The following KCNB2 variants were observed in gnomAD, a reference collection of about 807,000 sequenced individuals.
The protein encoded by KCNB2 is potassium voltage-gated channel subfamily B member 2.
A neutral mutation model predicts 61.5 loss-of-function variants in KCNB2; 15 were observed. The observed-to-expected ratio is 0.24, with a 90% confidence interval of 0.16 to 0.38. The LOEUF (loss-of-function observed/expected upper bound fraction) is 0.38, where lower values mean the gene tolerates loss of function less well. Among genes scored for constraint, KCNB2 ranks in the 10% least tolerant of loss-of-function variants. The pLI is 1.00. For synonymous variants in KCNB2, 457 were observed against 446.0 expected (o/e 1.02, Z -0.31); for missense variants, 828 against 1,125.2 (o/e 0.74, Z 3.78).
chr8:72,676,935 C>T (rs147140095), intron 2 of KCNB2, among the ~76,000 whole-genome samples: 2 of 152,236 alleles, frequency 1.3e-5, no homozygotes, highest in East Asian at 3.9e-4. Flanking sequence ...CCACCCCTGC[C>T]AAATTCATCT....
At position 72,811,899 on chromosome 8, in the gene KCNB2, G is replaced by A. The variant is rs564687454; in HGVS notation, c.580-124036G>A. Reference sequence around the variant, plus strand: ...GCAATTGAGATTTATGCACCTTCACGGGTCCCACGTACAAAAAATTGTAGC... The same window carrying A: ...GCAATTGAGATTTATGCACCTTCACAGGTCCCACGTACAAAAAATTGTAGC... On this transcript the variant is annotated intron_variant, in intron 2 of 2. Coordinates refer to ENST00000523207, the MANE Select transcript of KCNB2 (RefSeq NM_004770.3). Among the ~76,000 whole-genome samples the A allele has an allele frequency of 5.3e-5, 8 of 152,158 alleles. 1 individual carries two copies. Among genetic ancestry groups the A allele is most frequent in the African/African-American group, 7.2e-5 (3 of 41,442 alleles).
intron 2 of KCNB2, among the ~76,000 whole-genome samples, chr8:72,716,203 A>C (rs2128992295): frequency 6.6e-6 from 1 of 152,252 alleles, no homozygotes; most frequent in Admixed American, 6.5e-5. Context: ...CCAGGACCAG[A>C]TGGATTCACA....
chr8:72,849,354 G>T (rs1174678091), intron 2 of KCNB2, among the ~76,000 whole-genome samples: 1 of 151,768 alleles, frequency 6.6e-6, no homozygotes, highest in Admixed American at 6.6e-5. Flanking sequence ...AATATTCAAG[G>T]TCCTCCTTCT....
Position 72,583,948 on chromosome 8 carries a change from CAA to C in KCNB2, c.579+15651_579+15652del, listed in dbSNP as rs71566823. Among the ~76,000 whole-genome samples, 296 of 100,812 alleles carry C rather than the reference CAA, an allele frequency of 2.9e-3. 1 individual carries two copies. Among genetic ancestry groups the C allele is most frequent in the East Asian group, 0.019 (81 of 4,272 alleles). 66.1% of individuals were successfully genotyped at this position (100,812 alleles called of 152,430 possible). On this transcript the variant is annotated intron_variant, in intron 2 of 2. Transcript: ENST00000523207. Reference sequence around the variant, plus strand: ...TTCAACAGTTACAACAATAGAATATCAAAAAAAAAAAAAAAAACAAACAAAAC... The same window carrying C: ...TTCAACAGTTACAACAATAGAATATCAAAAAAAAAAAAAAACAAACAAAAC...
chr8:72,648,694 T>C (rs1202779248), intron 2 of KCNB2, among the ~76,000 whole-genome samples: 1 of 152,056 alleles, frequency 6.6e-6, no homozygotes, highest in Non-Finnish European at 1.5e-5. Flanking sequence ...CAAGCTGGAA[T>C]TTCCCCCACT....
At chr8:72,628,411 G>A (rs950185892) in intron 2 of KCNB2, among the ~76,000 whole-genome samples, 2 of 99,404 alleles carry the variant, frequency 2.0e-5, no homozygotes, top group African/African-American at 4.4e-5. Flanking sequence ...GTGTGTGTGT[G>A]TGTGTGTGTG....
At chr8:72,901,270 G>A (rs1806088862) in intron 2 of KCNB2, among the ~76,000 whole-genome samples, 1 of 152,156 alleles carries the variant, frequency 6.6e-6, no homozygotes, top group Non-Finnish European at 1.5e-5. Context: ...CAGACTATCT[G>A]AGGGCAGTAA....
At chr8:72,930,564 T>C (rs1806758094) in intron 2 of KCNB2, among the ~76,000 whole-genome samples, 1 of 152,242 alleles carries the variant, frequency 6.6e-6, no homozygotes, top group Non-Finnish European at 1.5e-5. Flanking sequence ...TGAGCATTTT[T>C]TCATGTGTCT....
At chr8:72,923,236 A>G (rs914984847) in intron 2 of KCNB2, among the ~76,000 whole-genome samples, 1 of 151,956 alleles carries the variant, frequency 6.6e-6, no homozygotes, top group African/African-American at 2.4e-5. Context: ...ATCAGACTTA[A>G]AAAGTTACCT....
At chr8:72,873,347 AGAAAG>A (rs1473365318) in intron 2 of KCNB2, among the ~76,000 whole-genome samples, 1 of 152,272 alleles carries the variant, frequency 6.6e-6, no homozygotes, top group Admixed American at 6.5e-5. Flanking sequence ...CAGGGCCAAC[AGAAAG>A]GACAGAGTCT....
intron 2 of KCNB2, among the ~76,000 whole-genome samples, chr8:72,644,253 C>G (rs75645197): frequency 0.02 from 3,057 of 152,188 alleles, 86 homozygotes; most frequent in African/African-American, 0.068. Flanking sequence ...GTTCACCCCC[C>G]CCTTCTCTTT....
chr8:72,610,886 C>T (rs2128983337), intron 2 of KCNB2, among the ~76,000 whole-genome samples: 1 of 152,242 alleles, frequency 6.6e-6, no homozygotes, highest in African/African-American at 2.4e-5. Flanking sequence ...AGAAAGACCT[C>T]AGGTGAAATC....
intron 2 of KCNB2, among the ~76,000 whole-genome samples, chr8:72,766,792 A>T (rs926291919): frequency 1.8e-4 from 28 of 152,216 alleles, no homozygotes; most frequent in African/African-American, 6.3e-4. Flanking sequence ...TATATAAAGG[A>T]AACAGAATTA....
intron 2 of KCNB2, among the ~76,000 whole-genome samples, chr8:72,738,599 A>G (rs1337384640): frequency 1.3e-5 from 2 of 152,188 alleles, no homozygotes; most frequent in African/African-American, 4.8e-5. Flanking sequence ...GGGGAGCCAC[A>G]TAAAGCCCTT....
intron 2 of KCNB2, among the ~76,000 whole-genome samples, chr8:72,858,030 GT>G (rs1245207056): frequency 1.2e-4 from 19 of 152,154 alleles, no homozygotes; most frequent in Admixed American, 1.2e-3. Flanking sequence ...TTAAAATAGA[GT>G]TAGTCTCTGA....
chr8:72,554,334 C>T (rs1053862979), intron 1 of KCNB2, among the ~76,000 whole-genome samples: 6 of 152,082 alleles, frequency 3.9e-5, no homozygotes, highest in Middle Eastern at 3.4e-3. Context: ...GATCTAAATC[C>T]GTATTTCTTA....
intron 1 of KCNB2, among the ~76,000 whole-genome samples, chr8:72,561,775 A>ATATATATATATG (rs1246585636): frequency 3.6e-5 from 1 of 27,432 alleles, no homozygotes; most frequent in Non-Finnish European, 6.4e-5. Flanking sequence ...ATATATATAT[A>ATATATATATATG]TGGATATATA....
intron 2 of KCNB2, among the ~76,000 whole-genome samples, chr8:72,629,723 G>A (rs1464406318): frequency 1.3e-5 from 2 of 152,190 alleles, no homozygotes; most frequent in South Asian, 2.1e-4. Context: ...GGGTAAGCAA[G>A]AACAACACAT....
intron 2 of KCNB2, among the ~76,000 whole-genome samples, chr8:72,694,660 C>G (rs572636549): frequency 6.6e-6 from 1 of 152,058 alleles, no homozygotes; most frequent in East Asian, 1.9e-4. Context: ...CATTGATAAG[C>G]ATATTTTTAA....
Sources: gnomAD v4.1 joint callset for allele counts (sites outside exome capture counted in the v4.1 genomes callset) on GRCh38, gnomAD v4.1.1 for gene constraint, MANE v1.5 for transcripts, NCBI Gene and HGNC (gene_info 2026-07-23, HGNC 2026-07-21) for gene names.